MPHOSPH9: variants seen among roughly 807,000 people sequenced by gnomAD.
The protein encoded by MPHOSPH9 is M-phase phosphoprotein 9.
A neutral mutation model predicts 145.5 loss-of-function variants in MPHOSPH9; 88 were observed. That is an observed-to-expected ratio of 0.60 (90% CI 0.51 to 0.72). MPHOSPH9 has a LOEUF of 0.72. MPHOSPH9 is among the 30% of genes least tolerant of loss of function. The pLI is 0.00. For synonymous variants in MPHOSPH9, 435 were observed against 486.2 expected (o/e 0.89, Z 1.39); for missense variants, 1,238 against 1,386.6 (o/e 0.89, Z 1.70).
At chr12:123,216,186 C>G (rs1047410744) in intron 6 of MPHOSPH9, among the ~76,000 whole-genome samples, 1 of 152,162 alleles carries the variant, frequency 6.6e-6, no homozygotes, top group Non-Finnish European at 1.5e-5. Context: ...CAACACAGTA[C>G]TAAAGGGCTT....
intron 8 of MPHOSPH9, among the ~76,000 whole-genome samples, chr12:123,203,926 A>G (rs1261042597): frequency 6.6e-6 from 1 of 152,104 alleles, no homozygotes; most frequent in Non-Finnish European, 1.5e-5. Context: ...AGCTCAAGCA[A>G]TCCTCCCACC....
chr12:123,219,299 A>G (rs2047098815), intron 5 of MPHOSPH9, among the ~76,000 whole-genome samples: 1 of 152,052 alleles, frequency 6.6e-6, no homozygotes, highest in South Asian at 2.1e-4. Context: ...AAAGTAAACA[A>G]AAAGACTAAC....
intron 15 of MPHOSPH9, among the ~76,000 whole-genome samples, chr12:123,178,195 C>T (rs890455245): frequency 2.0e-5 from 3 of 152,224 alleles, no homozygotes; most frequent in African/African-American, 7.2e-5. Flanking sequence ...GTGCATACCG[C>T]CATGCCTGGC....
chr12:123,216,904 G>T (rs1253395017), intron 6 of MPHOSPH9, among the ~76,000 whole-genome samples: 2 of 151,510 alleles, frequency 1.3e-5, no homozygotes, highest in African/African-American at 4.9e-5. Context: ...CAGGAGAATC[G>T]CTTGAACCCA....
chr12:123,236,070 T>A (rs1040370070), upstream of MPHOSPH9, among the ~76,000 whole-genome samples: 1 of 150,740 alleles, frequency 6.6e-6, no homozygotes, highest in Non-Finnish European at 1.5e-5. Flanking sequence ...CTCAAAAAAA[T>A]AAATAAATAA....
intron 5 of MPHOSPH9, among the ~76,000 whole-genome samples, chr12:123,220,989 A>C (rs2047174575): frequency 6.6e-6 from 1 of 152,104 alleles, no homozygotes; most frequent in South Asian, 2.1e-4. Context: ...CGGGAGGCGG[A>C]GCTTGCAGTG....
intron 3 of MPHOSPH9, among the ~76,000 whole-genome samples, chr12:123,223,595 G>A (rs952673951): frequency 6.6e-6 from 1 of 152,132 alleles, no homozygotes; most frequent in African/African-American, 2.4e-5. Context: ...AGCACCTGAT[G>A]TGCCCATCAC....
intron 3 of MPHOSPH9, 57 bp downstream of exon 3, chr12:123,227,406 G>C: frequency 2.4e-6 from 3 of 1,236,880 alleles, no homozygotes. Context: ...GAGTTTAGTA[G>C]AGGTATGTTT....
rs1044230673 is a variant in MPHOSPH9 at position 123,168,461 on chromosome 12, C to T, written c.2457-1672G>A. ...GGTTCAAGCGATTCTCCTGCCTCAG[C>T]CTCCCAAGTAGCTGGGACTACAGGC... is the stretch of plus-strand genomic sequence containing the variant. On this transcript the variant is annotated intron_variant, in intron 16 of 23. Transcript: ENST00000606320. Among the ~76,000 whole-genome samples the T allele has an allele frequency of 2.6e-5, 4 of 151,878 alleles. No homozygotes were observed. In the South Asian group the frequency reaches 8.3e-4, roughly 32 times the overall value.
chr12:123,153,304 G>GTT (rs2043808717), downstream of MPHOSPH9: 1 of 152,252 alleles, frequency 6.6e-6, no homozygotes, highest in Non-Finnish European at 1.5e-5. Flanking sequence ...TAAATTTTTG[G>GTT]TGGCTAAAAA....
At chr12:123,160,693 G>A in intron 23 of MPHOSPH9, 88 bp downstream of exon 23, 2 of 1,239,826 alleles carry the variant, frequency 1.6e-6, no homozygotes, top group South Asian at 1.3e-5. Context: ...AATTTTCACT[G>A]TGCCATGATT....
chr12:123,232,702 A>G (rs2047710534), intron 1 of MPHOSPH9, among the ~76,000 whole-genome samples: 1 of 152,110 alleles, frequency 6.6e-6, no homozygotes, highest in South Asian at 2.1e-4. Flanking sequence ...TAAGCTACGG[A>G]AAGCAGGGAG....
chr12:123,225,174 C>A (rs547064763), intron 3 of MPHOSPH9, among the ~76,000 whole-genome samples: 10 of 151,730 alleles, frequency 6.6e-5, no homozygotes, highest in Admixed American at 1.3e-4. Context: ...CTGGGCACAG[C>A]GGCTCATGCC....
At chr12:123,224,125 T>TATATATATATATATATATATATATATAC (rs1555231863) in intron 3 of MPHOSPH9, among the ~76,000 whole-genome samples, 3 of 132,410 alleles carry the variant, frequency 2.3e-5, no homozygotes, top group African/African-American at 6.6e-5. Context: ...TATATATATA[T>TATATATATATATATATATATATATATAC]ACACATTTTT....
At chr12:123,181,456 C>T (rs1469736189) in intron 13 of MPHOSPH9, among the ~76,000 whole-genome samples, 1 of 151,996 alleles carries the variant, frequency 6.6e-6, no homozygotes. Context: ...CCCATAATCT[C>T]AACACTTTGG....
At chr12:123,235,792 G>C (rs2047841611), upstream of MPHOSPH9, among the ~76,000 whole-genome samples, 1 of 152,046 alleles carries the variant, frequency 6.6e-6, no homozygotes, top group Admixed American at 6.6e-5. Context: ...GGCCGGGCGT[G>C]GTGGCTCATG....
intron 16 of MPHOSPH9, among the ~76,000 whole-genome samples, chr12:123,175,566 G>T (rs960233777): frequency 6.6e-6 from 1 of 151,938 alleles, no homozygotes; most frequent in African/African-American, 2.4e-5. Flanking sequence ...CCTCCCTTAG[G>T]CTCTTCAAAT....
intron 23 of MPHOSPH9, chr12:123,160,268 T>TG (rs1292478082): frequency 6.5e-6 from 1 of 152,820 alleles, no homozygotes; most frequent in African/African-American, 2.4e-5. Flanking sequence ...TGACCTCAGG[T>TG]GATACACCAG....
chr12:123,168,025 A>G (rs1338404499), intron 16 of MPHOSPH9, among the ~76,000 whole-genome samples: 1 of 152,122 alleles, frequency 6.6e-6, no homozygotes, highest in African/African-American at 2.4e-5. Context: ...CTGTGCCCCT[A>G]TTCTGCCTCC....
Sources: gnomAD v4.1 joint callset for allele counts (sites outside exome capture counted in the v4.1 genomes callset) on GRCh38, gnomAD v4.1.1 for gene constraint, MANE v1.5 for transcripts, NCBI Gene and HGNC (gene_info 2026-07-23, HGNC 2026-07-21) for gene names.